The following CDH13 variants were observed in gnomAD, a reference collection of about 807,000 sequenced individuals.
CDH13 encodes the protein cadherin 13.
In CDH13, 24 loss-of-function variants were observed where a neutral mutation model predicts 63.8. The ratio of observed to expected loss-of-function variants is 0.38; its 90% confidence interval spans 0.27 to 0.53. The LOEUF (loss-of-function observed/expected upper bound fraction) is 0.53. CDH13 is among the 20% of genes least tolerant of loss of function. The pLI, the probability that CDH13 is intolerant of heterozygous loss-of-function variation, is 0.85. For synonymous variants in CDH13, 503 were observed against 355.3 expected (o/e 1.42, Z -4.67); for missense variants, 1,049 against 903.1 (o/e 1.16, Z -2.07).
intron 6 of CDH13, among the ~76,000 whole-genome samples, chr16:83,401,933 C>T (rs1475351835): frequency 6.6e-6 from 1 of 152,142 alleles, no homozygotes; most frequent in Non-Finnish European, 1.5e-5. Context: ...CATCTGGAGA[C>T]CCCTCCAGAG....
At chr16:83,251,674 T>C (rs905384436) in intron 5 of CDH13, among the ~76,000 whole-genome samples, 1 of 152,254 alleles carries the variant, frequency 6.6e-6, no homozygotes, top group Non-Finnish European at 1.5e-5. Context: ...GCGTAGGCCT[T>C]CGTTGACAAG....
At chr16:83,191,917 T>C (rs1036165846) in intron 4 of CDH13, among the ~76,000 whole-genome samples, 2 of 152,084 alleles carry the variant, frequency 1.3e-5, no homozygotes, top group Admixed American at 6.5e-5. Flanking sequence ...CCAGGATCAA[T>C]ACTTTGCATC....
At chr16:83,364,138 G>C (rs1406908671) in intron 6 of CDH13, among the ~76,000 whole-genome samples, 2 of 152,116 alleles carry the variant, frequency 1.3e-5, no homozygotes, top group Middle Eastern at 3.2e-3. Context: ...TTATTTCACT[G>C]CTTCTCATGG....
At chr16:83,078,399 G>A (rs2033004334) in intron 3 of CDH13, among the ~76,000 whole-genome samples, 2 of 152,188 alleles carry the variant, frequency 1.3e-5, no homozygotes, top group South Asian at 4.1e-4. Flanking sequence ...GCGTTTGTTA[G>A]ATTCTCATAA....
intron 2 of CDH13, among the ~76,000 whole-genome samples, chr16:82,963,945 T>A (rs937135745): frequency 6.6e-6 from 1 of 152,162 alleles, no homozygotes; most frequent in Admixed American, 6.5e-5. Flanking sequence ...CAGTGCAACA[T>A]CAGTGACTCC....
At chr16:83,634,487 G>T (rs1169760843) in intron 8 of CDH13, among the ~76,000 whole-genome samples, 1 of 149,798 alleles carries the variant, frequency 6.7e-6, no homozygotes, top group Non-Finnish European at 1.5e-5. Flanking sequence ...TGCGACCTCC[G>T]CCTCCCAGGT....
intron 6 of CDH13, among the ~76,000 whole-genome samples, chr16:83,423,190 G>A (rs1344035137): frequency 1.3e-5 from 2 of 152,124 alleles, no homozygotes; most frequent in Admixed American, 6.5e-5. Context: ...CTTTATTGAT[G>A]AGCACAGTTT....
intron 4 of CDH13, among the ~76,000 whole-genome samples, chr16:83,203,200 GGCAACAAGA>G (rs879614899): frequency 1.3e-5 from 2 of 151,772 alleles, no homozygotes; most frequent in Admixed American, 6.6e-5. Context: ...CTCCAGCCTG[GGCAACAAGA>G]GCAAAACCCC....
chr16:82,767,608 G>C (rs761879185), intron 1 of CDH13, among the ~76,000 whole-genome samples: 2 of 152,166 alleles, frequency 1.3e-5, no homozygotes, highest in Non-Finnish European at 2.9e-5. Flanking sequence ...CCAGCATAGT[G>C]CCTTTGTTCA....
At chr16:83,183,818 T>G (rs1389414852) in intron 4 of CDH13, among the ~76,000 whole-genome samples, 2 of 152,242 alleles carry the variant, frequency 1.3e-5, no homozygotes, top group African/African-American at 4.8e-5. Context: ...AGTTTTTTGA[T>G]GTTCAAAATG....
At chr16:83,052,817 A>G (rs560489873) in intron 3 of CDH13, among the ~76,000 whole-genome samples, 5 of 149,952 alleles carry the variant, frequency 3.3e-5, no homozygotes, top group South Asian at 4.2e-4. Flanking sequence ...AAGAAATTAA[A>G]CCTTAAATAG....
intron 11 of CDH13, among the ~76,000 whole-genome samples, chr16:83,776,356 T>G (rs1016183515): frequency 1.3e-5 from 2 of 152,204 alleles, no homozygotes; most frequent in Non-Finnish European, 2.9e-5. Context: ...GTAAAGAAAT[T>G]TAACTAAATG....
intron 5 of CDH13, among the ~76,000 whole-genome samples, chr16:83,256,638 T>C (rs1024184984): frequency 1.4e-4 from 19 of 139,930 alleles, no homozygotes; most frequent in East Asian, 4.2e-4. Flanking sequence ...GAGGCCATCC[T>C]GGCTAACACG....
intron 1 of CDH13, among the ~76,000 whole-genome samples, chr16:82,837,453 A>G (rs1034126279): frequency 3.9e-5 from 6 of 151,956 alleles, no homozygotes; most frequent in Admixed American, 6.6e-5. Context: ...GAAGTCCTAG[A>G]GTCCCCAAGG....
chr16:83,608,677 T>TG (rs1178087623), intron 8 of CDH13, among the ~76,000 whole-genome samples: 1 of 150,720 alleles, frequency 6.6e-6, no homozygotes, highest in Non-Finnish European at 1.5e-5. Context: ...TTTTTTTTTT[T>TG]TTGGTATTTT....
chr16:83,256,802 G>A (rs1026866051), intron 5 of CDH13, among the ~76,000 whole-genome samples: 16 of 142,896 alleles, frequency 1.1e-4, no homozygotes, highest in Non-Finnish European at 2.1e-4. Context: ...CCGAGATCGC[G>A]CCACTGCACT....
chr16:82,842,446 T>G (rs2039075293), intron 1 of CDH13, among the ~76,000 whole-genome samples: 1 of 151,816 alleles, frequency 6.6e-6, no homozygotes, highest in Non-Finnish European at 1.5e-5. Flanking sequence ...CTTTATTTGT[T>G]TAAAATATAA....
At chr16:82,912,420 T>G (rs2041859205) in intron 2 of CDH13, among the ~76,000 whole-genome samples, 1 of 152,152 alleles carries the variant, frequency 6.6e-6, no homozygotes, top group African/African-American at 2.4e-5. Flanking sequence ...GACATAAATG[T>G]AGGAATGAAG....
intron 6 of CDH13, among the ~76,000 whole-genome samples, chr16:83,416,541 G>A (rs990697405): frequency 6.6e-6 from 1 of 152,090 alleles, no homozygotes; most frequent in African/African-American, 2.4e-5. Context: ...TCTGTTTTCT[G>A]TAGGTAGAAA....
Sources: allele counts gnomAD v4.1 joint callset (sites outside exome capture counted in the v4.1 genomes callset), GRCh38; gene constraint gnomAD v4.1.1; transcripts MANE v1.5; gene names NCBI Gene and HGNC (gene_info 2026-07-23, HGNC 2026-07-21).